The following PKD1L3 variants were observed in gnomAD, a reference collection of about 807,000 sequenced individuals.
PKD1L3 encodes polycystin-1-like protein 3.
In PKD1L3, 239 loss-of-function variants were observed where a neutral mutation model predicts 184.1. The observed-to-expected ratio is 1.30, with a 90% CI of 1.17 to 1.45. The LOEUF is 1.45. Among genes scored for constraint, PKD1L3 ranks in the 40% most tolerant of loss-of-function variants. PKD1L3 has a pLI of 0.00. For synonymous variants in PKD1L3, 996 were observed against 778.8 expected, an observed-to-expected ratio of 1.28 and a Z score of -4.64; for missense variants, 2,660 against 2,067.2, an observed-to-expected ratio of 1.29 and a Z score of -5.56.
intron 24 of PKD1L3, among the ~76,000 whole-genome samples, chr16:71,939,554 A>G (rs2038291135): frequency 6.6e-6 from 1 of 152,228 alleles, no homozygotes; most frequent in Non-Finnish European, 1.5e-5. Flanking sequence ...CAAGACTGGA[A>G]CTTTTCCCAT....
chr16:71,953,176 T>C, intron 17 of PKD1L3, 83 bp from the exon 18 acceptor site: 1 of 1,174,884 alleles, frequency 8.5e-7, no homozygotes, highest in Non-Finnish European at 1.1e-6. Context: ...TTTAACTATT[T>C]ACTGAGGAAG....
intron 4 of PKD1L3, among the ~76,000 whole-genome samples, chr16:71,988,450 C>T (rs1369093544): frequency 6.6e-6 from 1 of 152,194 alleles, no homozygotes; most frequent in East Asian, 1.9e-4. Flanking sequence ...CCACCTTGGC[C>T]TCCCAAAGTA....
chr16:71,984,773 C>G (rs1046085436), intron 5 of PKD1L3, among the ~76,000 whole-genome samples: 1 of 152,146 alleles, frequency 6.6e-6, no homozygotes, highest in Non-Finnish European at 1.5e-5. Context: ...GCAGGAGAAT[C>G]TCTTGAACCC....
At chr16:71,936,356 C>T (rs780080586) in intron 25 of PKD1L3, among the ~76,000 whole-genome samples, 16 of 151,818 alleles carry the variant, frequency 1.1e-4, no homozygotes, top group Middle Eastern at 3.4e-3. Context: ...GAGCCCGCCA[C>T]CATGCCCAGC....
rs1192298658 is a variant in PKD1L3, at chr16:71,998,301, A to G, written c.389T>C (p.Leu130Ser). 1.3e-6 allele frequency: 2 copies of G among 1,552,142 alleles called. No homozygotes were observed. Among genetic ancestry groups the G allele is most frequent in the African/African-American group, 1.4e-5 (1 of 73,052 alleles). ...IRISSKGDKC[L>S]LKYYFICQTG... Reference sequence around the variant, plus strand: ...CTGGCAAATGAAATAGTATTTCAGTAAGCACTTGTCCCCTTTGGATGAGAT... The same window carrying G: ...CTGGCAAATGAAATAGTATTTCAGTGAGCACTTGTCCCCTTTGGATGAGAT... Residue 130 changes from leucine to serine, a missense_variant, in exon 2 of 30, where the codon TTA becomes TCA. Transcript: ENST00000620267.
intron 11 of PKD1L3, among the ~76,000 whole-genome samples, chr16:71,975,890 T>C (rs1316779179): frequency 2.0e-5 from 3 of 152,130 alleles, no homozygotes; most frequent in Non-Finnish European, 4.4e-5. Flanking sequence ...GGTTGTGATA[T>C]ACTCTAGTTA....
chr16:71,944,114 C>A lies in PKD1L3; in HGVS notation c.3775G>T (p.Ala1259Ser). 1 of 1,551,454 alleles carries A rather than the reference C, an allele frequency of 6.4e-7. No homozygotes were observed. The highest frequency in any genetic ancestry group is 8.7e-7 in the Non-Finnish European group (1 of 1,146,624). ...TTAGTTGGACTATTTATAGCTGGGGCTACATAGACGGGGTTGTTCTTATCT... is the reference window on the plus strand; with the variant it reads ...TTAGTTGGACTATTTATAGCTGGGGATACATAGACGGGGTTGTTCTTATCT... ...SRDKNNPVYV[A>S]PAINSPTKHP... Residue 1259 changes from alanine to serine, a missense_variant, in exon 23 of 30, where the codon GCC becomes TCC. Ala to Ser is a moderately conservative substitution (Grantham distance 99). Coordinates refer to ENST00000620267, the MANE Select transcript of PKD1L3 (RefSeq NM_181536.2).
At chr16:71,997,862 G>A (rs1323671778) in intron 2 of PKD1L3, among the ~76,000 whole-genome samples, 3 of 152,088 alleles carry the variant, frequency 2.0e-5, no homozygotes, top group Admixed American at 6.6e-5. Context: ...CTGCAGAGGC[G>A]AACCTCGGAT....
chr16:71,960,679 G>C (rs1282613280), intron 16 of PKD1L3, among the ~76,000 whole-genome samples: 1 of 152,026 alleles, frequency 6.6e-6, no homozygotes, highest in Non-Finnish European at 1.5e-5. Flanking sequence ...TCCTCTATTG[G>C]AAACACAGAG....
intron 15 of PKD1L3, among the ~76,000 whole-genome samples, chr16:71,965,236 G>A (rs1239005166): frequency 2.6e-5 from 4 of 152,006 alleles, no homozygotes; most frequent in East Asian, 1.9e-4. Flanking sequence ...TTTCCTTTTC[G>A]TTGAGTAGTA....
At chr16:71,940,029 A>C (rs1184076921) in intron 24 of PKD1L3, among the ~76,000 whole-genome samples, 1 of 152,202 alleles carries the variant, frequency 6.6e-6, no homozygotes, top group Non-Finnish European at 1.5e-5. Context: ...TCTAACCAAG[A>C]AACCTTGGAA....
At chr16:71,962,508 A>G (rs2039319782) in intron 16 of PKD1L3, among the ~76,000 whole-genome samples, 1 of 152,086 alleles carries the variant, frequency 6.6e-6, no homozygotes, top group South Asian at 2.1e-4. Flanking sequence ...GCATTTTTTG[A>G]GATGGAGTTT....
chr16:71,974,463 T>A (rs973167785), intron 11 of PKD1L3, among the ~76,000 whole-genome samples: 1 of 152,192 alleles, frequency 6.6e-6, no homozygotes, highest in African/African-American at 2.4e-5. Context: ...GAGGATTATT[T>A]GAGCCCAGGA....
intron 2 of PKD1L3, among the ~76,000 whole-genome samples, chr16:71,997,420 C>G (rs1005969192): frequency 3.6e-4 from 54 of 151,380 alleles, no homozygotes; most frequent in Non-Finnish European, 2.5e-4. Flanking sequence ...GACCCCCCCC[C>G]CCACAACCAC....
At chr16:71,974,782 T>C (rs1213110988) in intron 11 of PKD1L3, among the ~76,000 whole-genome samples, 2 of 152,216 alleles carry the variant, frequency 1.3e-5, no homozygotes, top group African/African-American at 2.4e-5. Context: ...GTAGTGAGCA[T>C]TGCTGCCTCG....
chr16:71,993,774 A>G (rs2040682415), intron 2 of PKD1L3, among the ~76,000 whole-genome samples: 1 of 120,820 alleles, frequency 8.3e-6, no homozygotes, highest in Non-Finnish European at 1.7e-5. Context: ...CAGAAGGTGG[A>G]TGATAACATT....
Position 71,978,328 on chromosome 16 carries a change from C to A in PKD1L3, c.1454G>T (p.Gly485Val), listed in dbSNP as rs2040007845. ...GCTTAGTAACACACTTCCAATGCTT[C>A]CAACAATGTTTCTGTTGTCCAAATC... ...FKDLDNRNIVGSIGSVLLSAN... is the reference protein window; with the variant it reads ...FKDLDNRNIVVSIGSVLLSAN... The change falls in exon 10 of 30, where the codon GGA becomes GTA. Residue 485 changes from glycine to valine, a missense_variant. Transcript: ENST00000620267. The A allele has an allele frequency of 6.4e-7, 1 of 1,550,664 alleles. No homozygotes were observed. The highest frequency in any genetic ancestry group is 1.4e-5 in the African/African-American group (1 of 72,986).
chr16:71,993,426 G>A, intron 2 of PKD1L3, 94 bp from the exon 3 acceptor site: 1 of 707,724 alleles, frequency 1.4e-6, no homozygotes, highest in Non-Finnish European at 2.2e-6. Context: ...GTGATAATCA[G>A]GAAAACACAA....
chr16:71,967,391 C>T lies in PKD1L3; in HGVS notation c.2287-76G>A, dbSNP rs879036261. 5.1e-5 allele frequency: 70 copies of T among 1,365,484 alleles called. 1 individual carries two copies. The South Asian group carries it at 8.5e-4, about 17-fold the overall frequency. The allele number at this position is 1,365,484 out of a possible 1,614,324, so 84.6% of individuals were successfully genotyped here. On this transcript the variant is annotated intron_variant, in intron 14 of 29. Transcript: ENST00000620267. ...TTGGGTTTATCCCTAAGGAGAAAGA[C>T]GAAGACATAGAAAACTATTTAGATC...
Sources: gnomAD v4.1 joint callset for allele counts (sites outside exome capture counted in the v4.1 genomes callset) on GRCh38, gnomAD v4.1.1 for gene constraint, MANE v1.5 for transcripts, NCBI Gene and HGNC (gene_info 2026-07-23, HGNC 2026-07-21) for gene names.